GPR137C: variants seen among roughly 807,000 people sequenced by gnomAD.
GPR137C encodes G protein-coupled receptor 137C, also known as integral membrane protein GPR137C.
A neutral mutation model predicts 43.4 loss-of-function variants in GPR137C; 27 were observed. That is an observed-to-expected ratio of 0.62 (90% confidence interval 0.46 to 0.86). GPR137C has a LOEUF of 0.86. Ranked by LOEUF, GPR137C falls within the 40% of genes least tolerant of loss-of-function variation. GPR137C has a pLI of 0.00. For missense variants in GPR137C, 522 were observed against 534.6 expected (o/e 0.98, Z 0.23); for synonymous variants, 285 against 226.9 (o/e 1.26, Z -2.30).
At chr14:52,625,978 A>G (rs1181430507) in intron 3 of GPR137C, among the ~76,000 whole-genome samples, 1 of 152,216 alleles carries the variant, frequency 6.6e-6, no homozygotes. Context: ...CTAACCTTGA[A>G]TTGAAAATAT....
At chr14:52,582,554 G>A (rs1052121262) in intron 1 of GPR137C, among the ~76,000 whole-genome samples, 2 of 152,206 alleles carry the variant, frequency 1.3e-5, no homozygotes, top group African/African-American at 4.8e-5. Context: ...AGCACTTTGG[G>A]AGGCCAAGGC....
chr14:52,618,514 T>C (rs1437292251), intron 3 of GPR137C, among the ~76,000 whole-genome samples: 2 of 152,292 alleles, frequency 1.3e-5, no homozygotes, highest in Non-Finnish European at 2.9e-5. Context: ...ATTGTCAGTA[T>C]TTGTCTTTTT....
intron 3 of GPR137C, among the ~76,000 whole-genome samples, chr14:52,623,279 T>C (rs1249566801): frequency 6.6e-6 from 1 of 152,180 alleles, no homozygotes; most frequent in African/African-American, 2.4e-5. Context: ...AGTGAATTTC[T>C]GTATAATTGG....
intron 1 of GPR137C, among the ~76,000 whole-genome samples, chr14:52,577,124 T>C (rs1332507241): frequency 7.7e-6 from 1 of 130,410 alleles, no homozygotes; most frequent in East Asian, 2.2e-4. Flanking sequence ...GGGGCGGAGG[T>C]TGCAATAAGC....
chr14:52,634,260 T>C (rs1023456027), intron 6 of GPR137C, among the ~76,000 whole-genome samples: 2 of 152,088 alleles, frequency 1.3e-5, no homozygotes, highest in African/African-American at 4.8e-5. Context: ...ATAGTGATTA[T>C]ATGTCTGTTT....
At chr14:52,608,024 G>A (rs1471636583) in intron 3 of GPR137C, among the ~76,000 whole-genome samples, 2 of 152,056 alleles carry the variant, frequency 1.3e-5, no homozygotes, top group Non-Finnish European at 2.9e-5. Context: ...TGATTTTCCT[G>A]TAGGCAACAT....
At chr14:52,601,369 G>C (rs898061755) in intron 3 of GPR137C, among the ~76,000 whole-genome samples, 2 of 152,022 alleles carry the variant, frequency 1.3e-5, no homozygotes, top group African/African-American at 4.8e-5. Context: ...TCCTAGTAAA[G>C]TAAGGTACTA....
intron 3 of GPR137C, among the ~76,000 whole-genome samples, chr14:52,609,735 GC>G (rs2039018532): frequency 6.6e-6 from 1 of 152,196 alleles, no homozygotes; most frequent in South Asian, 2.1e-4. Context: ...AGGTACCGGG[GC>G]TGGGTGGGAA....
chr14:52,568,765 C>T (rs931297161), intron 1 of GPR137C, among the ~76,000 whole-genome samples: 3 of 152,230 alleles, frequency 2.0e-5, no homozygotes, highest in Admixed American at 6.5e-5. Context: ...CTGAGCAGGG[C>T]ATCTCTGAAA....
chr14:52,565,714 C>A (rs2038358979), intron 1 of GPR137C, among the ~76,000 whole-genome samples: 1 of 152,148 alleles, frequency 6.6e-6, no homozygotes, highest in Non-Finnish European at 1.5e-5. Context: ...CTTCATGGAA[C>A]ATTTCATCTA....
chr14:52,568,086 A>G (rs1273326524), intron 1 of GPR137C, among the ~76,000 whole-genome samples: 4 of 152,084 alleles, frequency 2.6e-5, no homozygotes, highest in South Asian at 2.1e-4. Flanking sequence ...TGATTTCTGC[A>G]TTTCCAACTG....
chr14:52,583,811 C>A (rs1250728181), intron 1 of GPR137C, among the ~76,000 whole-genome samples: 2 of 152,244 alleles, frequency 1.3e-5, no homozygotes, highest in East Asian at 3.9e-4. Flanking sequence ...TTTCTCAAAA[C>A]CCTTATTGAT....
rs533155885 is a variant in GPR137C, at chr14:52,612,498, A to G, written c.717+12157A>G. On this transcript the variant is annotated intron_variant, in intron 3 of 6. Transcript: ENST00000321662. ...GTTAGAGGTTTTAGTAATTACATCTAGAACTGTGTATCCCAGCCTCAGTTT... is the reference window on the plus strand; with the variant it reads ...GTTAGAGGTTTTAGTAATTACATCTGGAACTGTGTATCCCAGCCTCAGTTT... The G allele has an allele frequency of 4.1e-6, 4 of 982,152 alleles. No individual in the cohort carries two copies. The East Asian group carries it at 4.5e-4, about 112-fold the overall frequency. 60.8% of individuals were successfully genotyped at this position (982,152 alleles called of 1,614,324 possible).
At chr14:52,570,323 C>T (rs1357014070) in intron 1 of GPR137C, among the ~76,000 whole-genome samples, 1 of 152,150 alleles carries the variant, frequency 6.6e-6, no homozygotes, top group East Asian at 1.9e-4. Context: ...ACCAGGCCTG[C>T]CTTACAAGAG....
chr14:52,596,860 C>G, intron 1 of GPR137C: 1 of 451,650 alleles, frequency 2.2e-6, no homozygotes, highest in Non-Finnish European at 4.4e-6. Flanking sequence ...ATGAGATGAA[C>G]CAGGTACCTC....
At position 52,553,360 on chromosome 14, in the gene GPR137C, G is replaced by C. The variant is rs775581185; in HGVS notation, c.213G>C (p.Leu71=). 1.2e-6 allele frequency: 2 copies of C among 1,603,844 alleles called. No homozygotes were observed. Among genetic ancestry groups the C allele is most frequent in the South Asian group, 2.2e-5 (2 of 90,760 alleles). ...TTGCCTACCTGCAGCTGTGGCGGCT[G>C]CTCCTGTACCGCGAGCGGCGGCTGA... is the stretch of plus-strand genomic sequence containing the variant. ...FAFAYLQLWR[L]LLYRERRLSY... Residue 71 remains leucine, a synonymous_variant, in exon 1 of 7, where the codon CTG becomes CTC. Coordinates refer to ENST00000321662, the MANE Select transcript of GPR137C (RefSeq NM_001099652.2).
chr14:52,620,141 G>C (rs2039143865), intron 3 of GPR137C, among the ~76,000 whole-genome samples: 1 of 152,054 alleles, frequency 6.6e-6, no homozygotes, highest in Admixed American at 6.6e-5. Flanking sequence ...TCCCATCCAT[G>C]GGGCAGCCAA....
At chr14:52,558,146 G>A (rs560045873) in intron 1 of GPR137C, among the ~76,000 whole-genome samples, 2 of 150,104 alleles carry the variant, frequency 1.3e-5, no homozygotes, top group South Asian at 2.1e-4. Context: ...TCACACAAAT[G>A]TGTGTCTTGG....
In GPR137C at chr14:52,623,111, AAG is replaced by A. The variant is rs2039179295; in HGVS notation, c.718-9047_718-9046del. ...TGTTTCCTATCAGGCGTTGACATAA[AAG>A]AATATTTTCTTGGATGATTAGTTGG... On this transcript the variant is annotated intron_variant, in intron 3 of 6. Transcript: ENST00000321662. Among the ~76,000 whole-genome samples the A allele has an allele frequency of 2.0e-5, 3 of 152,292 alleles. No homozygotes were observed. In the South Asian group the frequency reaches 6.2e-4, roughly 32 times the overall value.
Sources: allele counts gnomAD v4.1 joint callset (sites outside exome capture counted in the v4.1 genomes callset), GRCh38; gene constraint gnomAD v4.1.1; transcripts MANE v1.5; gene names NCBI Gene and HGNC (gene_info 2026-07-23, HGNC 2026-07-21).